The following PCBP3 variants were observed in gnomAD, a reference collection of about 807,000 sequenced individuals.
PCBP3 encodes the protein poly(rC) binding protein 3.
A neutral mutation model predicts 52.7 loss-of-function variants in PCBP3; 25 were observed. That is an observed-to-expected ratio of 0.47 (90% confidence interval 0.35 to 0.66). The LOEUF is 0.66. Among genes scored for constraint, PCBP3 ranks in the 30% least tolerant of loss-of-function variants. The pLI is 0.01. For missense variants in PCBP3, 391 were observed against 490.3 expected (o/e 0.80, Z 1.91); for synonymous variants, 162 against 183.0 (o/e 0.89, Z 0.93).
chr21:45,687,181 A>G (rs1404967569), intron 2 of PCBP3, among the ~76,000 whole-genome samples: 1 of 152,152 alleles, frequency 6.6e-6, no homozygotes, highest in African/African-American at 2.4e-5. Context: ...AAAACAGTGG[A>G]CCCACAACTT....
chr21:45,718,616 C>T (rs2084393077), intron 2 of PCBP3, among the ~76,000 whole-genome samples: 2 of 152,050 alleles, frequency 1.3e-5, no homozygotes, highest in African/African-American at 2.4e-5. Flanking sequence ...CCACAATGCT[C>T]ACTGTTCTTA....
At position 45,655,218 on chromosome 21, in the gene PCBP3, C is replaced by T. The variant is rs377303901; in HGVS notation, c.-279+11350C>T. 2.6e-5 allele frequency among the ~76,000 whole-genome samples: 4 copies of T among 152,122 alleles called. No individual in the cohort carries two copies. The East Asian group carries it at 7.7e-4, about 29-fold the overall frequency. On this transcript the variant is annotated intron_variant, in intron 1 of 17. Transcript: ENST00000681687. ...ATGTTTTCACTTGTCTTGGTTTACA[C>T]TAGAAGTAGAATTGCTGAGTCATAC...
At chr21:45,854,110 T>C (rs942578577) in intron 5 of PCBP3, 7 of 152,082 alleles carry the variant, frequency 4.6e-5, no homozygotes, top group Non-Finnish European at 1.0e-4. Context: ...GGATGAGGCC[T>C]CTACGTTTCA....
intron 4 of PCBP3, among the ~76,000 whole-genome samples, chr21:45,841,086 T>C (rs1358496286): frequency 2.6e-5 from 4 of 152,196 alleles, no homozygotes; most frequent in Non-Finnish European, 5.9e-5. Flanking sequence ...CTAGCCTGGG[T>C]GTGTCAGCTC....
At chr21:45,691,278 A>G (rs2082446203) in intron 2 of PCBP3, among the ~76,000 whole-genome samples, 1 of 151,456 alleles carries the variant, frequency 6.6e-6, no homozygotes, top group African/African-American at 2.4e-5. Flanking sequence ...TTTACATAAG[A>G]ATATCAATAA....
chr21:45,884,352 A>G (rs2095469536), intron 5 of PCBP3, among the ~76,000 whole-genome samples: 1 of 152,116 alleles, frequency 6.6e-6, no homozygotes, highest in Non-Finnish European at 1.5e-5. Flanking sequence ...ATTTTAGAGT[A>G]TATATCTGTA....
At chr21:45,647,127 A>G (rs1040913104) in intron 1 of PCBP3, among the ~76,000 whole-genome samples, 19 of 152,192 alleles carry the variant, frequency 1.2e-4, no homozygotes, top group East Asian at 5.8e-4. Flanking sequence ...AGTAAGTTGT[A>G]TATCAAGCTA....
chr21:45,923,838 G>A (rs1213488743), intron 13 of PCBP3, among the ~76,000 whole-genome samples: 9 of 146,318 alleles, frequency 6.2e-5, no homozygotes, highest in African/African-American at 1.3e-4. Context: ...TGCGAACACC[G>A]GGAACAGTCG....
Position 45,693,824 on chromosome 21 carries a change from C to T in PCBP3, c.-200+24872C>T, listed in dbSNP as rs1160066811. Among the ~76,000 whole-genome samples the T allele has an allele frequency of 4.0e-5, 6 of 151,872 alleles. No homozygotes were observed. In the East Asian group the frequency reaches 1.2e-3, roughly 29 times the overall value. On this transcript the variant is annotated intron_variant, in intron 2 of 17. Transcript: ENST00000681687. Reference sequence around the variant, plus strand: ...TTCTTTAGGTTGAAAGGAAATATTCCCAAATGGAAGCATAGAAGAAATGAA... The same window carrying T: ...TTCTTTAGGTTGAAAGGAAATATTCTCAAATGGAAGCATAGAAGAAATGAA...
rs1307766494 is a variant in PCBP3, at chr21:45,930,835, C to A, written c.846C>A (p.Gly282=). The change falls in exon 15 of 18, where the codon GGC becomes GGA. Residue 282 remains glycine (G), a synonymous_variant. Transcript: ENST00000681687. Reference sequence around the variant, plus strand: ...CCGAAGAAGCTCAAAATCTGATGGGCCAGTCATCAGGTAACACAAAGCCAC... The same window carrying A: ...CCGAAGAAGCTCAAAATCTGATGGGACAGTCATCAGGTAACACAAAGCCAC... ...HSSEEAQNLM[G]QSSGLDASPP... The A allele has an allele frequency of 3.1e-6, 5 of 1,606,592 alleles. No individual in the cohort carries two copies. The highest frequency in any genetic ancestry group is 4.3e-6 in the Non-Finnish European group (5 of 1,173,820).
chr21:45,923,981 A>C (rs62213798), intron 13 of PCBP3, among the ~76,000 whole-genome samples: 1,386 of 22,870 alleles, frequency 0.061, 205 homozygotes, highest in Middle Eastern at 0.16. Context: ...GGAACAGTCG[A>C]GTGGATAGAA....
In PCBP3 at chr21:45,721,429, A is replaced by C. The variant is rs549053524; in HGVS notation, c.-199-13963A>C. On this transcript the variant is annotated intron_variant, in intron 2 of 17. Coordinates refer to ENST00000681687, the MANE Select transcript of PCBP3 (RefSeq NM_001384156.1). ...CTCCATCTCAAAAAAAAAAAAAAAA[A>C]AACAACTCTTGGCTGCAGGGCTGAC... Among the ~76,000 whole-genome samples the C allele has an allele frequency of 3.5e-3, 532 of 151,900 alleles. 4 individuals carry two copies. The highest frequency in any genetic ancestry group is 0.012 in the African/African-American group (513 of 41,390).
intron 3 of PCBP3, chr21:45,744,289 G>C (rs368501363): frequency 6.6e-6 from 1 of 151,984 alleles, no homozygotes; most frequent in Non-Finnish European, 1.5e-5. Flanking sequence ...TGAACTCCTG[G>C]GCTCAAGCGA....
At chr21:45,919,884 G>T (rs1424677011) in intron 13 of PCBP3, among the ~76,000 whole-genome samples, 2 of 152,242 alleles carry the variant, frequency 1.3e-5, no homozygotes, top group Non-Finnish European at 2.9e-5. Context: ...AGGGGTGTGG[G>T]GGGCAGGTGT....
At chr21:45,781,614 A>G (rs879292161) in intron 4 of PCBP3, among the ~76,000 whole-genome samples, 4 of 152,230 alleles carry the variant, frequency 2.6e-5, no homozygotes, top group Non-Finnish European at 5.9e-5. Context: ...ACCTACCAAC[A>G]TCCCACTAGA....
chr21:45,834,092 C>A (rs1184580039), intron 4 of PCBP3, among the ~76,000 whole-genome samples: 2 of 152,028 alleles, frequency 1.3e-5, no homozygotes, highest in Non-Finnish European at 2.9e-5. Flanking sequence ...GCTGGGCTGG[C>A]CAGCACCCCC....
At chr21:45,786,502 G>T (rs755830722) in intron 4 of PCBP3, among the ~76,000 whole-genome samples, 10 of 152,134 alleles carry the variant, frequency 6.6e-5, no homozygotes, top group Non-Finnish European at 1.5e-4. Flanking sequence ...CGTTTCCCAG[G>T]CTGGTCTCGA....
At chr21:45,909,955 C>T (rs1350615006) in intron 10 of PCBP3, among the ~76,000 whole-genome samples, 5 of 59,412 alleles carry the variant, frequency 8.4e-5, no homozygotes, top group African/African-American at 2.0e-4. Flanking sequence ...TTCCCAGATA[C>T]GGACCCCCCC....
chr21:45,793,644 G>A (rs2091755991), intron 4 of PCBP3, among the ~76,000 whole-genome samples: 1 of 152,204 alleles, frequency 6.6e-6, no homozygotes, highest in Non-Finnish European at 1.5e-5. Flanking sequence ...TTCAGATACT[G>A]TGGACAGCGG....
Sources: allele counts gnomAD v4.1 joint callset (sites outside exome capture counted in the v4.1 genomes callset), GRCh38; gene constraint gnomAD v4.1.1; transcripts MANE v1.5; gene names NCBI Gene and HGNC (gene_info 2026-07-23, HGNC 2026-07-21).